The following PPAN variants were observed in gnomAD, a reference collection of about 807,000 sequenced individuals.
The protein encoded by PPAN is suppressor of SWI4 1 homolog.
A neutral mutation model predicts 48.5 loss-of-function variants in PPAN; 39 were observed. That is an observed-to-expected ratio of 0.80 (90% confidence interval 0.62 to 1.05). The LOEUF (loss-of-function observed/expected upper bound fraction) is 1.05. Ranked by LOEUF, PPAN falls within the 50% of genes least tolerant of loss-of-function variation. PPAN has a pLI of 0.00. For synonymous variants in PPAN, 315 were observed against 268.6 expected, an observed-to-expected ratio of 1.17 and a Z score of -1.69; for missense variants, 736 against 661.7, an observed-to-expected ratio of 1.11 and a Z score of -1.23.
chr19:10,110,290 A>G lies in PPAN; in HGVS notation c.823-34A>G, dbSNP rs550748227. 1.7e-5 allele frequency: 28 copies of G among 1,613,322 alleles called. No individual in the cohort carries two copies. The Admixed American group carries it at 3.8e-4, about 22-fold the overall frequency. On this transcript the variant is annotated intron_variant, in intron 8 of 11. Transcript: ENST00000253107. This position sits in a 1 kb window ranked among gnomAD's most constrained non-coding sequence, Gnocchi z 5.9. Reference sequence around the variant, plus strand: ...GGACCCCCGGGCTCCACCAGTCCCAACGGTGGGCTGACGCTTCTTCCTCGT... The same window carrying G: ...GGACCCCCGGGCTCCACCAGTCCCAGCGGTGGGCTGACGCTTCTTCCTCGT...
In PPAN at chr19:10,111,809, T is replaced by C; in HGVS notation, c.*644T>C. 6.4e-7 allele frequency: 1 copy of C among 1,573,654 alleles called. No homozygotes were observed. The highest frequency in any genetic ancestry group is 8.7e-7 in the Non-Finnish European group (1 of 1,146,268). On this transcript the variant is annotated 3_prime_UTR_variant, in exon 12 of 12. Transcript: ENST00000253107. The stretch of plus-strand genomic sequence containing the variant: ...GTCAGGAGGTGGGGGTAGTGGGTAT[T>C]GGTAAAACACCTAGGTCTGGGGCTG...
intron 1 of PPAN, 35 bp from the exon 2 acceptor site, chr19:10,106,466 T>G: frequency 6.5e-7 from 1 of 1,546,286 alleles, no homozygotes. Context: ...CCGGCCGAGG[T>G]CGCGGCGCTG....
In PPAN at chr19:10,107,962, A is replaced by G. The variant is rs779128509; in HGVS notation, c.343-2A>G. 2.5e-6 allele frequency: 4 copies of G among 1,605,214 alleles called. No homozygotes were observed. Among genetic ancestry groups the G allele is most frequent in the East Asian group, 2.2e-5 (1 of 44,714 alleles). The stretch of plus-strand genomic sequence containing the variant: ...CACCCCCTCCTCTCTCCTGTCCTAC[A>G]GTACTCGCTGGTGCGTGATGTGGTC... On this transcript the variant is annotated splice_acceptor_variant, in intron 4 of 11. Coordinates refer to ENST00000253107, the MANE Select transcript of PPAN (RefSeq NM_020230.7). LOFTEE classifies it high-confidence loss of function.
Position 10,110,162 on chromosome 19 carries a change from C to T in PPAN, c.738C>T (p.Gly246=), listed in dbSNP as rs1418156161. 1.2e-6 allele frequency: 2 copies of T among 1,610,010 alleles called. No homozygotes were observed. Among genetic ancestry groups the T allele is most frequent in the East Asian group, 2.2e-5 (1 of 44,876 alleles). Residue 246 remains glycine, a synonymous_variant, in exon 8 of 12, where the codon GGC becomes GGT. Transcript: ENST00000253107. This position sits in a 1 kb window ranked among gnomAD's most constrained non-coding sequence, Gnocchi z 5.9. ...GLSESEAEPD[G]DHNITELPQA... is the part of the protein sequence containing the mutation. ...CGGAGAGCGAGGCAGAGCCTGACGG[C>T]GACCACAACATCACAGAGCTGCCTC... is the stretch of plus-strand genomic sequence containing the variant.
At position 10,108,125 on chromosome 19, in the gene PPAN, C is replaced by T. The variant is rs748924650; in HGVS notation, c.504C>T (p.Asn168=). The T allele has an allele frequency of 6.8e-6, 11 of 1,610,038 alleles. No individual in the cohort carries two copies. Among genetic ancestry groups the T allele is most frequent in the Middle Eastern group, 1.7e-4 (1 of 6,056 alleles). ...TCCAGAACCTGTTCCCCTCCATCAA[C>T]GTGCACAAGGTGGGTCTGGCCTGGC... ...TMFQNLFPSI[N]VHKVNLNTIK... Residue 168 remains asparagine (N), a synonymous_variant, in exon 5 of 12, where the codon AAC becomes AAT. Transcript: ENST00000253107.
chr19:10,106,726 C>T, intron 2 of PPAN, 55 bp downstream of exon 2: 1 of 1,485,522 alleles, frequency 6.7e-7, no homozygotes, highest in Non-Finnish European at 9.0e-7. Flanking sequence ...GTCTTCGTAG[C>T]TGCAGTAATG....
At chr19:10,107,664 T>C in intron 3 of PPAN, 58 bp downstream of exon 3, 3 of 1,479,984 alleles carry the variant, frequency 2.0e-6, no homozygotes, top group Non-Finnish European at 2.8e-6. Context: ...CTATCTCTCA[T>C]GATGAACACA....
chr19:10,108,272 C>T, intron 5 of PPAN, 138 bp downstream of exon 5: 1 of 1,311,212 alleles, frequency 7.6e-7, no homozygotes, highest in Non-Finnish European at 1.0e-6. Context: ...AGGTCAAATC[C>T]CACTCCTGTG....
rs759661180 is a variant in PPAN, at chr19:10,108,138, G to T, written c.513+4G>T. ...CCCCTCCATCAACGTGCACAAGGTG[G>T]GTCTGGCCTGGCGAGGTGGCAGGTA... On this transcript the variant is annotated splice_donor_region_variant and intron_variant, in intron 5 of 11. Coordinates refer to ENST00000253107, the MANE Select transcript of PPAN (RefSeq NM_020230.7). 3.9e-5 allele frequency: 62 copies of T among 1,605,452 alleles called. No individual in the cohort carries two copies. Among genetic ancestry groups the T allele is most frequent in the African/African-American group, 5.4e-5 (4 of 74,726 alleles).
rs1305401581 is a variant in PPAN, at chr19:10,110,733, CG to C, written c.1073del (p.Gly358ValfsTer155). On this transcript the variant is annotated frameshift_variant, in exon 11 of 12. Coordinates refer to ENST00000253107, the MANE Select transcript of PPAN (RefSeq NM_020230.7). LOFTEE classifies it high-confidence loss of function. The surrounding 1 kb of genome is among the most constrained non-coding windows in gnomAD (Gnocchi z 5.9). Reference protein sequence around the residue: ...SLEGMKKARVGGSDEEASGIP... With the variant: ...SLEGMKKARVXGSDEEASGIP... ...TGGAGGGCATGAAGAAGGCACGGGT[CG>C]GGGGTAGTGATGAAGAGGCCTCTGG... The C allele has an allele frequency of 6.2e-7, 1 of 1,613,696 alleles. No individual in the cohort carries two copies. The highest frequency in any genetic ancestry group is 8.5e-7 in the Non-Finnish European group (1 of 1,179,948).
chr19:10,107,393 T>G, intron 2 of PPAN, 112 bp from the exon 3 acceptor site: 1 of 1,139,516 alleles, frequency 8.8e-7, no homozygotes, highest in Non-Finnish European at 1.2e-6. Flanking sequence ...CCTCTGGGCT[T>G]GTTGAAAGGG....
intron 3 of PPAN, 92 bp from the exon 4 acceptor site, chr19:10,107,712 A>G: frequency 6.2e-7 from 1 of 1,607,412 alleles, no homozygotes; most frequent in Non-Finnish European, 8.5e-7. Flanking sequence ...GCTTCAAAGT[A>G]AACGCTCTGA....
Position 10,106,425 on chromosome 19 carries a change from A to G in PPAN, c.18+13A>G. ...ACAGTCAGGGAGGGTAAGGCCCGGC[A>G]GCTTGGGAGGCAGGTGGCGCAGGTG... is the stretch of plus-strand genomic sequence containing the variant. On this transcript the variant is annotated intron_variant, in intron 1 of 11. Coordinates refer to ENST00000253107, the MANE Select transcript of PPAN (RefSeq NM_020230.7). 6.5e-7 allele frequency: 1 copy of G among 1,548,508 alleles called. No individual in the cohort carries two copies. Among genetic ancestry groups the G allele is most frequent in the Non-Finnish European group, 8.7e-7 (1 of 1,144,992 alleles).
At chr19:10,108,374 G>C (rs1038595246) in intron 5 of PPAN, among the ~76,000 whole-genome samples, 16 of 152,110 alleles carry the variant, frequency 1.1e-4, no homozygotes, top group African/African-American at 3.9e-4. Flanking sequence ...AAGAAATACT[G>C]ATGGAGCTCT....
rs750652061 is a variant in PPAN, at chr19:10,111,139, G to T, written c.1396G>T (p.Gly466Cys). Residue 466 changes from glycine (G) to cysteine (C), a missense_variant, in exon 12 of 12, where the codon GGC (glycine) becomes TGC (cysteine). Gly to Cys is a radical substitution (Grantham distance 159). Transcript: ENST00000253107. ...GGATGGTGGGCGAGGCCGGGGCCGGGGCCGCCCAGGGAAGAGAGTGGCCTG... is the reference window on the plus strand; with the variant it reads ...GGATGGTGGGCGAGGCCGGGGCCGGTGCCGCCCAGGGAAGAGAGTGGCCTG... ...SRDGGRGRGRGRPGKRVA is the reference protein window; with the variant it reads ...SRDGGRGRGRCRPGKRVA 6.2e-7 allele frequency: 1 copy of T among 1,601,624 alleles called. No individual in the cohort carries two copies. Among genetic ancestry groups the T allele is most frequent in the Non-Finnish European group, 8.5e-7 (1 of 1,175,280 alleles).
chr19:10,106,262 C>T (rs1053014298), upstream of PPAN: 10 of 1,459,254 alleles, frequency 6.9e-6, no homozygotes, highest in East Asian at 2.5e-5. Context: ...TGCCCCTCCC[C>T]GCTCCCAGAG....
chr19:10,109,575 C>G (rs2088967297), intron 5 of PPAN, 56 bp from the exon 6 acceptor site: 1 of 1,543,404 alleles, frequency 6.5e-7, no homozygotes, highest in Non-Finnish European at 8.8e-7. Flanking sequence ...AAAGCCCCCA[C>G]TTCCCCAAAC....
chr19:10,110,651 G>T lies in PPAN; in HGVS notation c.1031+37G>T, dbSNP rs377120156. The T allele has an allele frequency of 5.0e-5, 80 of 1,611,116 alleles. No homozygotes were observed. The highest frequency in any genetic ancestry group is 6.6e-5 in the Non-Finnish European group (78 of 1,178,786). On this transcript the variant is annotated intron_variant, in intron 10 of 11. Coordinates refer to ENST00000253107, the MANE Select transcript of PPAN (RefSeq NM_020230.7). This position sits in a 1 kb window ranked among gnomAD's most constrained non-coding sequence, Gnocchi z 5.9. ...GCTGGGAAGGGCAGGGCCAAGGGGG[G>T]GTCCCTGGGATGGGCGGCTATGTTG...
chr19:10,111,675 G>T lies in PPAN; in HGVS notation c.*510G>T, dbSNP rs755098033. On this transcript the variant is annotated 3_prime_UTR_variant, in exon 12 of 12. Coordinates refer to ENST00000253107, the MANE Select transcript of PPAN (RefSeq NM_020230.7). ...TAAGCCACTGGTGACTGGGGGAGGGGCTGGGGAACTGGGTAGCAGACACAG... is the reference window on the plus strand; with the variant it reads ...TAAGCCACTGGTGACTGGGGGAGGGTCTGGGGAACTGGGTAGCAGACACAG... 1.2e-6 allele frequency: 2 copies of T among 1,612,998 alleles called. No homozygotes were observed. Among genetic ancestry groups the T allele is most frequent in the African/African-American group, 2.7e-5 (2 of 74,902 alleles).
Sources: allele counts gnomAD v4.1 joint callset (sites outside exome capture counted in the v4.1 genomes callset), GRCh38; gene constraint gnomAD v4.1.1; non-coding constraint Gnocchi (gnomAD v3.1); transcripts MANE v1.5; gene names NCBI Gene and HGNC (gene_info 2026-07-23, HGNC 2026-07-21).